LAMA2: variants seen among roughly 807,000 people sequenced by gnomAD.
LAMA2 encodes laminin subunit alpha-2.
LAMA2 carries 269 observed loss-of-function variants against 364.8 expected under a neutral mutation model. That is an observed-to-expected ratio of 0.74 (90% confidence interval 0.67 to 0.82). The LOEUF (loss-of-function observed/expected upper bound fraction) is 0.82, where lower values mean the gene tolerates loss of function less well. Ranked by LOEUF, LAMA2 falls within the 40% of genes least tolerant of loss-of-function variation. The pLI, the probability that LAMA2 is intolerant of heterozygous loss-of-function variation, is 0.00. For missense variants in LAMA2, 3,807 were observed against 3,873.2 expected (o/e 0.98, Z 0.45); for synonymous variants, 1,379 against 1,370.6 (o/e 1.01, Z -0.14).
chr6:129,276,173 C>G (rs1277406772), intron 17 of LAMA2, among the ~76,000 whole-genome samples: 1 of 152,088 alleles, frequency 6.6e-6, no homozygotes, highest in African/African-American at 2.4e-5. Context: ...TCTCATTACC[C>G]TCATCTCCAG....
chr6:129,465,349 G>A (rs918160469), intron 51 of LAMA2, 60 bp downstream of exon 51: 108 of 1,348,808 alleles, frequency 8.0e-5, no homozygotes, highest in Middle Eastern at 7.3e-4. Context: ...AAGTGCACAT[G>A]TACCTGATCA....
At chr6:129,370,049 A>T in intron 34 of LAMA2, 59 bp downstream of exon 34, 3 of 1,367,744 alleles carry the variant, frequency 2.2e-6, no homozygotes, top group African/African-American at 1.4e-5. Flanking sequence ...ATGAAGGAAA[A>T]TTACTTCAAA....
intron 21 of LAMA2, 31 bp from the exon 22 acceptor site, chr6:129,300,705 C>T (rs1773493965): frequency 1.2e-6 from 2 of 1,612,194 alleles, no homozygotes; most frequent in Non-Finnish European, 1.7e-6. Context: ...TATTTTTCCC[C>T]TTCTTTGTTT....
intron 29 of LAMA2, among the ~76,000 whole-genome samples, chr6:129,330,444 CCTGT>C (rs1040904370): frequency 3.3e-5 from 5 of 151,900 alleles, no homozygotes; most frequent in East Asian, 1.9e-4. Context: ...GCTGATTTTC[CCTGT>C]CTAATTGTCA....
intron 61 of LAMA2, among the ~76,000 whole-genome samples, chr6:129,506,490 G>A (rs1181715804): frequency 6.6e-6 from 1 of 152,130 alleles, no homozygotes; most frequent in Non-Finnish European, 1.5e-5. Context: ...CAAATATTGA[G>A]AGGTGCAGTA....
chr6:129,153,365 A>G (rs138591386), intron 7 of LAMA2, among the ~76,000 whole-genome samples: 2 of 152,376 alleles, frequency 1.3e-5, no homozygotes, highest in East Asian at 3.9e-4. Flanking sequence ...TTCCAATGTC[A>G]TATGACTGCT....
At chr6:129,353,394 T>C in intron 32 of LAMA2, 37 bp downstream of exon 32, 2 of 1,548,100 alleles carry the variant, frequency 1.3e-6, no homozygotes, top group Non-Finnish European at 1.8e-6. Flanking sequence ...TTTGGAGGCC[T>C]TGATTCCAGT....
intron 42 of LAMA2, among the ~76,000 whole-genome samples, chr6:129,439,760 A>T (rs1454905726): frequency 6.7e-6 from 1 of 150,118 alleles, no homozygotes; most frequent in Non-Finnish European, 1.5e-5. Context: ...ACTTATGTTA[A>T]GTGTATGTAA....
Position 128,909,207 on chromosome 6 carries a change from C to T in LAMA2, c.112+25850C>T, listed in dbSNP as rs1301482452. Among the ~76,000 whole-genome samples, 9 of 152,134 alleles carry T rather than the reference C, an allele frequency of 5.9e-5. No individual in the cohort carries two copies. The East Asian group carries it at 9.7e-4, about 16-fold the overall frequency. On this transcript the variant is annotated intron_variant, in intron 1 of 64. Transcript: ENST00000421865. ...GGGTATCCTTGTTGACTTTCTGTCTCGTTGATCTGTCTAGTGTTGACAGTG... is the reference window on the plus strand; with the variant it reads ...GGGTATCCTTGTTGACTTTCTGTCTTGTTGATCTGTCTAGTGTTGACAGTG...
chr6:129,400,715 C>T (rs936863842), intron 37 of LAMA2, among the ~76,000 whole-genome samples: 3 of 152,134 alleles, frequency 2.0e-5, no homozygotes, highest in African/African-American at 7.2e-5. Flanking sequence ...TGAAACAGTC[C>T]ATTAGGTTGA....
intron 51 of LAMA2, among the ~76,000 whole-genome samples, chr6:129,468,521 G>T (rs1489598980): frequency 2.0e-5 from 3 of 151,874 alleles, no homozygotes; most frequent in Non-Finnish European, 4.4e-5. Context: ...CATCGAAGCT[G>T]CAATGGAAAA....
intron 1 of LAMA2, among the ~76,000 whole-genome samples, chr6:129,035,315 T>TA (rs1786554469): frequency 6.7e-6 from 1 of 149,704 alleles, no homozygotes; most frequent in African/African-American, 2.5e-5. Flanking sequence ...TTTTTTTTTT[T>TA]AGAAGTGTCT....
chr6:129,131,018 G>A (rs1407105287), intron 4 of LAMA2, among the ~76,000 whole-genome samples: 5 of 152,020 alleles, frequency 3.3e-5, no homozygotes, highest in Admixed American at 6.5e-5. Flanking sequence ...AAGAAAGAAC[G>A]GTTGTATTTT....
intron 58 of LAMA2, among the ~76,000 whole-genome samples, chr6:129,495,284 C>CTAAG (rs1785102357): frequency 1.3e-5 from 2 of 152,212 alleles, no homozygotes; most frequent in South Asian, 4.2e-4. Context: ...TTGAAAATAG[C>CTAAG]TAAGTCTTCT....
intron 3 of LAMA2, among the ~76,000 whole-genome samples, chr6:129,069,828 A>C (rs1773192096): frequency 7.3e-6 from 1 of 136,280 alleles, no homozygotes; most frequent in East Asian, 2.4e-4. Context: ...AATATTGTAT[A>C]ATATATAATT....
chr6:128,896,242 A>G (rs1381457702), intron 1 of LAMA2, among the ~76,000 whole-genome samples: 2 of 151,934 alleles, frequency 1.3e-5, no homozygotes, highest in African/African-American at 4.8e-5. Flanking sequence ...TATCTAGTAT[A>G]ATTTATCTTT....
intron 1 of LAMA2, among the ~76,000 whole-genome samples, chr6:128,938,081 C>T (rs1779939954): frequency 6.6e-6 from 1 of 151,948 alleles, no homozygotes; most frequent in Non-Finnish European, 1.5e-5. Context: ...TATATCTGTG[C>T]TGGGATTAAT....
intron 40 of LAMA2, among the ~76,000 whole-genome samples, chr6:129,423,439 T>G (rs1261270864): frequency 1.3e-5 from 2 of 152,020 alleles, no homozygotes; most frequent in African/African-American, 4.8e-5. Flanking sequence ...CCTGTAACCC[T>G]AGTGCTTTAG....
At chr6:129,167,892 A>G (rs1253545733) in intron 9 of LAMA2, among the ~76,000 whole-genome samples, 9 of 149,710 alleles carry the variant, frequency 6.0e-5, no homozygotes, top group African/African-American at 1.7e-4. Flanking sequence ...TGTGGTTTTG[A>G]TTTGCATTTC....
Sources: allele counts gnomAD v4.1 joint callset (sites outside exome capture counted in the v4.1 genomes callset), GRCh38; gene constraint gnomAD v4.1.1; transcripts MANE v1.5; gene names NCBI Gene and HGNC (gene_info 2026-07-23, HGNC 2026-07-21).